RAB43: variants seen among roughly 807,000 people sequenced by gnomAD.
RAB43 encodes the protein ras-related protein Rab-43.
In RAB43, 6 loss-of-function variants were observed where a neutral mutation model predicts 18.8. That is an observed-to-expected ratio of 0.32 (90% CI 0.17 to 0.63). RAB43 has a LOEUF of 0.63. Ranked by LOEUF, RAB43 falls within the 30% of genes least tolerant of loss-of-function variation. The probability of loss-of-function intolerance (pLI) is 0.79; values close to 1 mark genes in which losing one functional copy is unlikely to be tolerated. For synonymous variants in RAB43, 103 were observed against 124.1 expected, an observed-to-expected ratio of 0.83 and a Z score of 1.13; for missense variants, 195 against 289.1, an observed-to-expected ratio of 0.67 and a Z score of 2.36.
Position 129,121,749 on chromosome 3 carries a change from A to G in RAB43, c.-260T>C. ...GGTTCGGCTCCCCCCCGGACCCGCC[A>G]AGCCGGGCCCTCCGCAAAGCTCCGG... On this transcript the variant is annotated 5_prime_UTR_variant, in exon 1 of 3. Coordinates refer to ENST00000315150, the MANE Select transcript of RAB43 (RefSeq NM_198490.3). 1 of 175,372 alleles carries G rather than the reference A, an allele frequency of 5.7e-6. No homozygotes were observed. The highest frequency in any genetic ancestry group is 9.7e-5 in the East Asian group (1 of 10,318). The allele number at this position is 175,372 out of a possible 1,614,324, so 10.9% of individuals were successfully genotyped here. A position where few individuals can be genotyped will look rare whatever the true frequency, so the allele number is the denominator to read the frequency against.
At chr3:129,117,911 AC>A (rs1935650113) in intron 1 of RAB43, among the ~76,000 whole-genome samples, 1 of 152,238 alleles carries the variant, frequency 6.6e-6, no homozygotes, top group African/African-American at 2.4e-5. Context: ...ACACTGGCCC[AC>A]TGGATCCCTG....
At chr3:129,098,344 C>T (rs1198102278) in intron 1 of RAB43, among the ~76,000 whole-genome samples, 8 of 152,148 alleles carry the variant, frequency 5.3e-5, no homozygotes, top group Non-Finnish European at 1.2e-4. Flanking sequence ...TCCACATATC[C>T]ACCCTAACAA....
intron 2 of RAB43, 52 bp from the exon 3 acceptor site, chr3:129,091,398 G>A (rs1047172980): frequency 3.3e-5 from 51 of 1,563,182 alleles, no homozygotes; most frequent in Non-Finnish European, 4.3e-5. Context: ...GGCAAGCCCA[G>A]TCCCACCTGG....
intron 1 of RAB43, among the ~76,000 whole-genome samples, chr3:129,109,423 A>T (rs1330449841): frequency 6.6e-6 from 1 of 150,934 alleles, no homozygotes; most frequent in Admixed American, 6.6e-5. Flanking sequence ...AAAAAAAAAA[A>T]AATCAATGTC....
chr3:129,109,279 G>A (rs1040371042), intron 1 of RAB43, among the ~76,000 whole-genome samples: 11 of 151,966 alleles, frequency 7.2e-5, no homozygotes, highest in African/African-American at 1.7e-4. Context: ...GCGTGGTGGC[G>A]GGTGCCTGTA....
rs1436252134 is a variant in RAB43, at chr3:129,091,090, C to T, written c.*6G>A. The T allele has an allele frequency of 6.2e-7, 1 of 1,607,338 alleles. No homozygotes were observed. Among genetic ancestry groups the T allele is most frequent in the African/African-American group, 1.3e-5 (1 of 74,742 alleles). ...GGAACCCCCAGTCTGCCGGCCCGGC[C>T]CCTGGTCAGCACCCGCAGCCCCAGC... On this transcript the variant is annotated 3_prime_UTR_variant, in exon 3 of 3. Coordinates refer to ENST00000315150, the MANE Select transcript of RAB43 (RefSeq NM_198490.3).
intron 1 of RAB43, among the ~76,000 whole-genome samples, chr3:129,116,368 A>C (rs1232039351): frequency 6.6e-6 from 1 of 152,226 alleles, no homozygotes; most frequent in Non-Finnish European, 1.5e-5. Context: ...CCTGGTATCA[A>C]GAACAGATTT....
chr3:129,106,620 G>A (rs73212415), intron 1 of RAB43, among the ~76,000 whole-genome samples: 3,066 of 152,330 alleles, frequency 0.02, 64 homozygotes, highest in Non-Finnish European at 0.027. Context: ...CCAAAGCAAG[G>A]ACAAGAAAGG....
At chr3:129,106,170 C>T (rs1380549178) in intron 1 of RAB43, among the ~76,000 whole-genome samples, 1 of 152,216 alleles carries the variant, frequency 6.6e-6, no homozygotes, top group African/African-American at 2.4e-5. Context: ...CTGTGTCCAG[C>T]ATCTGTCCCT....
intron 1 of RAB43, among the ~76,000 whole-genome samples, chr3:129,114,513 G>T (rs1053240518): frequency 3.9e-5 from 6 of 152,180 alleles, no homozygotes; most frequent in Admixed American, 3.9e-4. Flanking sequence ...TGAGAAAAGC[G>T]ATGGAAACTT....
At chr3:129,105,738 C>G (rs1934739694) in intron 1 of RAB43, among the ~76,000 whole-genome samples, 2 of 151,336 alleles carry the variant, frequency 1.3e-5, no homozygotes, top group Admixed American at 6.6e-5. Flanking sequence ...CGAGACCATG[C>G]CATTGCACTC....
At chr3:129,108,316 G>A (rs1934919269) in intron 1 of RAB43, among the ~76,000 whole-genome samples, 1 of 152,264 alleles carries the variant, frequency 6.6e-6, no homozygotes, top group African/African-American at 2.4e-5. Context: ...GACTGTCCAT[G>A]TTTGGCTGGC....
At chr3:129,109,721 G>A (rs1020614874) in intron 1 of RAB43, among the ~76,000 whole-genome samples, 6 of 151,340 alleles carry the variant, frequency 4.0e-5, no homozygotes, top group South Asian at 2.1e-4. Context: ...CAGCCCAGGC[G>A]ACAGTGAGAG....
chr3:129,097,578 G>A (rs1024855161), intron 1 of RAB43, among the ~76,000 whole-genome samples: 14 of 152,138 alleles, frequency 9.2e-5, no homozygotes, highest in Non-Finnish European at 7.4e-5. Flanking sequence ...AGAAAATGTG[G>A]GATCCAGAAA....
chr3:129,103,289 G>C lies in RAB43; in HGVS notation c.205-8120C>G, dbSNP rs531169556. Among the ~76,000 whole-genome samples the C allele has an allele frequency of 3.8e-4, 58 of 152,140 alleles. 3 individuals are homozygous for C. In the South Asian group the frequency reaches 0.012, roughly 30 times the overall value. ...ACCGCCACTCCAGCCTCTTACCAGGGTCTACACAAACGGCCTCAGGCCTGT... is the reference window on the plus strand; with the variant it reads ...ACCGCCACTCCAGCCTCTTACCAGGCTCTACACAAACGGCCTCAGGCCTGT... On this transcript the variant is annotated intron_variant, in intron 1 of 2. Transcript: ENST00000315150.
intron 1 of RAB43, among the ~76,000 whole-genome samples, chr3:129,100,500 T>C (rs997396506): frequency 3.9e-5 from 6 of 152,336 alleles, no homozygotes; most frequent in Admixed American, 6.5e-5. Context: ...CCAATCCTTG[T>C]AGAACCAAAT....
intron 1 of RAB43, among the ~76,000 whole-genome samples, chr3:129,113,912 A>C (rs2107577303): frequency 6.6e-6 from 1 of 152,176 alleles, no homozygotes; most frequent in East Asian, 1.9e-4. Flanking sequence ...CTGTAGTCCC[A>C]GCTACTTGGG....
At chr3:129,114,032 G>T (rs781353870) in intron 1 of RAB43, among the ~76,000 whole-genome samples, 10 of 150,866 alleles carry the variant, frequency 6.6e-5, no homozygotes, top group Non-Finnish European at 1.2e-4. Flanking sequence ...ACTCCGTCTC[G>T]AAAGAAAAAA....
At chr3:129,104,088 C>T (rs528326088) in intron 1 of RAB43, among the ~76,000 whole-genome samples, 19 of 152,262 alleles carry the variant, frequency 1.2e-4, no homozygotes, top group Middle Eastern at 3.4e-3. Flanking sequence ...AGAAGGTGCC[C>T]GACAGAAACA....
Sources: allele counts gnomAD v4.1 joint callset (sites outside exome capture counted in the v4.1 genomes callset), GRCh38; gene constraint gnomAD v4.1.1; transcripts MANE v1.5; gene names NCBI Gene and HGNC (gene_info 2026-07-23, HGNC 2026-07-21).